Variants in HNRNPH1 observed in about 807,000 individuals in gnomAD.
The protein encoded by HNRNPH1 is heterogeneous nuclear ribonucleoprotein H.
HNRNPH1 carries 4 observed loss-of-function variants against 58.6 expected under a neutral mutation model. The observed-to-expected ratio is 0.07, with a 90% CI of 0.03 to 0.16. The LOEUF (loss-of-function observed/expected upper bound fraction) is 0.16, where lower values mean the gene tolerates loss of function less well. Ranked by LOEUF, HNRNPH1 falls within the 10% of genes least tolerant of loss-of-function variation. The pLI is 1.00. For synonymous variants in HNRNPH1, 192 were observed against 189.2 expected (o/e 1.01, Z -0.12); for missense variants, 271 against 564.2 (o/e 0.48, Z 5.26).
upstream of HNRNPH1, among the ~76,000 whole-genome samples, chr5:179,626,089 G>A (rs1471123527): frequency 2.0e-5 from 3 of 150,600 alleles, no homozygotes; most frequent in Non-Finnish European, 4.4e-5. Context: ...CACCATGGCT[G>A]GCAATGAAAG....
chr5:179,632,851 A>ATTTT lies in HNRNPH1; in HGVS notation c.-32+1210_-32+1213dup, dbSNP rs56128695. ...ATTACAGCCCCACCAAGCCCGGCGAATTTTTTTTTTTTTTTTTTTTTTTTT... is the reference window on the plus strand; with the variant it reads ...ATTACAGCCCCACCAAGCCCGGCGAATTTTTTTTTTTTTTTTTTTTTTTTTTTTT... On this transcript the variant is annotated intron_variant, in intron 2 of 4. Transcript: ENST00000521116. Among the ~76,000 whole-genome samples the ATTTT allele has an allele frequency of 1.7e-4, 10 of 57,552 alleles. 1 individual carries two copies. The South Asian group carries it at 2.6e-3, about 15-fold the overall frequency. 37.8% of individuals were successfully genotyped at this position (57,552 alleles called of 152,430 possible). A position where few individuals can be genotyped will look rare whatever the true frequency, so the allele number is the denominator to read the frequency against.
chr5:179,617,461 T>C (rs1770335609), intron 8 of HNRNPH1, 53 bp downstream of exon 9: 6 of 1,573,562 alleles, frequency 3.8e-6, no homozygotes, highest in East Asian at 4.5e-5. Context: ...CTATTGTAAA[T>C]GTTAGTCACA....
chr5:179,623,215 G>T, exon 1 of HNRNPH1: 1 of 1,017,082 alleles, frequency 9.8e-7, no homozygotes, highest in African/African-American at 1.6e-5. Context: ...GCTGTCCTTC[G>T]CCTCCGAGGC....
At chr5:179,620,208 C>T (rs10069599) in intron 3 of HNRNPH1, among the ~76,000 whole-genome samples, 150,999 of 152,346 alleles carry the variant, frequency 0.99, 74,852 homozygotes, top group Non-Finnish European at 1. Context: ...CTGCTTCCAG[C>T]GTATCACATC....
At chr5:179,620,735 G>T in intron 3 of HNRNPH1, 157 bp downstream of exon 4, 1 of 631,294 alleles carries the variant, frequency 1.6e-6, no homozygotes. Context: ...TTTAAGATGG[G>T]CTTAAATTAT....
chr5:179,617,614 A>C, exon 8 of HNRNPH1: 1 of 1,614,048 alleles, frequency 6.2e-7, no homozygotes, highest in Non-Finnish European at 8.5e-7. Context: ...GACCAATTTC[A>C]ATGTGTACTC....
intron 2 of HNRNPH1, among the ~76,000 whole-genome samples, chr5:179,629,835 C>T (rs1259813051): frequency 6.6e-6 from 1 of 151,570 alleles, no homozygotes; most frequent in East Asian, 2.0e-4. Flanking sequence ...CCAGCCTGGC[C>T]AACATGGTGA....
At chr5:179,631,546 G>A (rs1774829971) in intron 2 of HNRNPH1, among the ~76,000 whole-genome samples, 2 of 152,020 alleles carry the variant, frequency 1.3e-5, no homozygotes, top group African/African-American at 4.8e-5. Context: ...GGGAGTTCAA[G>A]ACCAGCCTGG....
At chr5:179,620,441 A>G (rs1182783960) in intron 3 of HNRNPH1, among the ~76,000 whole-genome samples, 1 of 152,202 alleles carries the variant, frequency 6.6e-6, no homozygotes, top group Non-Finnish European at 1.5e-5. Flanking sequence ...TCATAAACCG[A>G]CTTTTGCATT....
chr5:179,625,842 C>T (rs1181795271), upstream of HNRNPH1, among the ~76,000 whole-genome samples: 2 of 152,018 alleles, frequency 1.3e-5, no homozygotes, highest in Non-Finnish European at 2.9e-5. Flanking sequence ...AAACATGGCT[C>T]ACCACAGCCT....
rs549825482 is a variant in HNRNPH1 at position 179,616,469 on chromosome 5, T to C, written c.1208-251A>G. 240 of 544,068 alleles carry C rather than the reference T, an allele frequency of 4.4e-4. 4 individuals are homozygous for C. In the South Asian group the frequency reaches 5.1e-3, roughly 12 times the overall value. 33.7% of individuals were successfully genotyped at this position (544,068 alleles called of 1,614,324 possible). A position where few individuals can be genotyped will look rare whatever the true frequency, so the allele number is the denominator to read the frequency against. On this transcript the variant is annotated intron_variant, in intron 10 of 12. Coordinates refer to ENST00000356731, the Ensembl canonical transcript of HNRNPH1. ...ACTAAAATCAACATGATTCCGTAAG[T>C]AGAGGCATTTTGTGAAGATCTTATG...
intron 3 of HNRNPH1, 69 bp downstream of exon 4, chr5:179,620,823 A>T: frequency 7.1e-7 from 1 of 1,411,688 alleles, no homozygotes; most frequent in Non-Finnish European, 9.9e-7. Context: ...CTCAACTTTA[A>T]CGTCTATTAA....
Position 179,617,892 on chromosome 5 carries a change from G to A in HNRNPH1, c.828C>T (p.Tyr276=), listed in dbSNP as rs78795662. 3.3e-3 allele frequency: 5,272 copies of A among 1,613,670 alleles called. 19 individuals carry two copies. Among genetic ancestry groups the A allele is most frequent in the Non-Finnish European group, 3.9e-3 (4,617 of 1,179,630 alleles). ...TCTGGAAAGTAGAGCCACCATCCCC[G>A]TATCTGTGATCAGACATTCCTGAAA... Residue 276 remains tyrosine (Y), a synonymous_variant, in exon 7 of 13, where the codon TAC becomes TAT. Transcript: ENST00000356731.
At chr5:179,632,024 C>T (rs1446742011) in intron 2 of HNRNPH1, among the ~76,000 whole-genome samples, 1 of 152,044 alleles carries the variant, frequency 6.6e-6, no homozygotes, top group African/African-American at 2.4e-5. Context: ...AAGGGCGTCT[C>T]GGCCGGGCGC....
exon 5 of HNRNPH1, chr5:179,618,216 G>A: frequency 6.2e-7 from 1 of 1,614,074 alleles, no homozygotes. Flanking sequence ...CCCTCTACCA[G>A]CCCCAGGTCT....
chr5:179,621,918 G>GC lies in HNRNPH1; in HGVS notation c.98-522dup, dbSNP rs11432322. ...GAAGCCAAACCCAGTGTTGCCCCCT[G>GC]CAAGGCGGCTTCCAGCGTACTTGGT... is the stretch of plus-strand genomic sequence containing the variant. On this transcript the variant is annotated intron_variant, in intron 1 of 12. Coordinates refer to ENST00000356731, the Ensembl canonical transcript of HNRNPH1. The GC allele has an allele frequency of 2.5e-3, 1,126 of 456,246 alleles. 14 individuals carry two copies. The highest frequency in any genetic ancestry group is 0.021 in the African/African-American group (1,051 of 50,196). The allele number at this position is 456,246 out of a possible 1,614,324, so 28.3% of individuals were successfully genotyped here.
intron 2 of HNRNPH1, among the ~76,000 whole-genome samples, chr5:179,633,186 T>C (rs552318870): frequency 6.6e-6 from 1 of 151,268 alleles, no homozygotes; most frequent in Admixed American, 6.6e-5. Context: ...GAGATGGGGT[T>C]TCACCATGTT....
At chr5:179,621,467 G>A in intron 1 of HNRNPH1, 70 bp from the exon 3 acceptor site, 1 of 1,329,382 alleles carries the variant, frequency 7.5e-7, no homozygotes, top group South Asian at 1.2e-5. Context: ...CAGATGAAAT[G>A]TCTATTCCAT....
rs1774900923 is a variant in HNRNPH1, at chr5:179,632,260, ATC to A, written c.-32+1803_-32+1804del. ...GAGGCGGAGCTTGCAGTGAGCCAAGATCCCGCCACCGCACTCCAGCCTGAGTG... is the reference window on the plus strand; with the variant it reads ...GAGGCGGAGCTTGCAGTGAGCCAAGACCGCCACCGCACTCCAGCCTGAGTG... On this transcript the variant is annotated intron_variant, in intron 2 of 4. Coordinates refer to the HNRNPH1 transcript ENST00000521116. Among the ~76,000 whole-genome samples, 4 of 151,224 alleles carry A rather than the reference ATC, an allele frequency of 2.6e-5. No individual in the cohort carries two copies. In the Admixed American group the frequency reaches 2.6e-4, roughly 10 times the overall value.
Sources: gnomAD v4.1 joint callset for allele counts (sites outside exome capture counted in the v4.1 genomes callset) on GRCh38, gnomAD v4.1.1 for gene constraint, MANE v1.5 for transcripts, NCBI Gene and HGNC (gene_info 2026-07-23, HGNC 2026-07-21) for gene names.